TOX3: variants seen among roughly 807,000 people sequenced by gnomAD.
The protein encoded by TOX3 is TOX high mobility group box family member 3, also known as CAG trinucleotide repeat-containing gene F9 protein.
In TOX3, 22 loss-of-function variants were observed where a neutral mutation model predicts 64.3. The ratio of observed to expected loss-of-function variants is 0.34; its 90% CI spans 0.24 to 0.49. TOX3 has a LOEUF of 0.49. Ranked by LOEUF, TOX3 falls within the 20% of genes least tolerant of loss-of-function variation. The pLI is 0.99. For missense variants in TOX3, 661 were observed against 714.4 expected, an observed-to-expected ratio of 0.93 and a Z score of 0.85; for synonymous variants, 291 against 273.6, an observed-to-expected ratio of 1.06 and a Z score of -0.63.
chr16:52,446,866 G>C (rs1960178870), intron 4 of TOX3, among the ~76,000 whole-genome samples: 1 of 152,132 alleles, frequency 6.6e-6, no homozygotes, highest in Admixed American at 6.5e-5. Context: ...ACTACTTTAA[G>C]TGGAGATAAA....
At chr16:52,451,067 C>T (rs753624208) in intron 3 of TOX3, among the ~76,000 whole-genome samples, 8 of 152,108 alleles carry the variant, frequency 5.3e-5, no homozygotes, top group Admixed American at 1.3e-4. Flanking sequence ...GCACAGGGCA[C>T]GCAGAGGATG....
intron 1 of TOX3, among the ~76,000 whole-genome samples, chr16:52,518,486 G>A (rs370929552): frequency 6.6e-6 from 1 of 152,168 alleles, no homozygotes; most frequent in African/African-American, 2.4e-5. Flanking sequence ...ATTAAAAAGA[G>A]AGATTAATGC....
chr16:52,479,308 A>C (rs1961303831), intron 1 of TOX3, among the ~76,000 whole-genome samples: 1 of 152,208 alleles, frequency 6.6e-6, no homozygotes, highest in Non-Finnish European at 1.5e-5. Context: ...TCTAGGCAGG[A>C]AGGACAGAGA....
Position 52,464,126 on chromosome 16 carries a change from A to G in TOX3, c.216T>C (p.Pro72=). Residue 72 remains proline, a synonymous_variant, in exon 3 of 7, where the codon CCT becomes CCC. Transcript: ENST00000219746. The part of the protein sequence containing the change: ...EEFEIPPITP[P]PESDPALGMP... ...TGCCTAGGGCAGGGTCTGACTCTGGAGGAGGCGTGATTGGTGGAATTTCGA... is the reference window on the plus strand; with the variant it reads ...TGCCTAGGGCAGGGTCTGACTCTGGGGGAGGCGTGATTGGTGGAATTTCGA... The G allele has an allele frequency of 6.3e-7, 1 of 1,589,676 alleles. No individual in the cohort carries two copies. Among genetic ancestry groups the G allele is most frequent in the Non-Finnish European group, 8.6e-7 (1 of 1,167,464 alleles).
intron 1 of TOX3, among the ~76,000 whole-genome samples, chr16:52,502,344 C>T (rs1962025959): frequency 6.6e-6 from 1 of 152,062 alleles, no homozygotes; most frequent in African/African-American, 2.4e-5. Flanking sequence ...ATATGTTAGC[C>T]AGAAAGCCAG....
chr16:52,519,446 A>T, intron 1 of TOX3: 1 of 1,551,534 alleles, frequency 6.4e-7, no homozygotes, highest in South Asian at 1.2e-5. Context: ...TCTCTCCTCA[A>T]TGCGCCTGGC....
At chr16:52,476,311 C>T (rs1961204967) in intron 1 of TOX3, among the ~76,000 whole-genome samples, 1 of 152,172 alleles carries the variant, frequency 6.6e-6, no homozygotes, top group Admixed American at 6.5e-5. Flanking sequence ...TTGGGATTTT[C>T]ATGATCTGGA....
chr16:52,510,630 C>T (rs892790621), intron 1 of TOX3, among the ~76,000 whole-genome samples: 43 of 151,680 alleles, frequency 2.8e-4, no homozygotes, highest in South Asian at 1.3e-3. Flanking sequence ...GTGGTACATG[C>T]CTGCAGTCCC....
chr16:52,468,466 T>C (rs1425631410), intron 2 of TOX3, 43 bp downstream of exon 2: 3 of 1,568,590 alleles, frequency 1.9e-6, no homozygotes, highest in Non-Finnish European at 2.6e-6. Flanking sequence ...ATTATCTCAA[T>C]AACACAAAAA....
chr16:52,537,369 G>A (rs570358741), intron 1 of TOX3, among the ~76,000 whole-genome samples: 7 of 152,084 alleles, frequency 4.6e-5, no homozygotes, highest in Non-Finnish European at 8.8e-5. Context: ...TTTCTTGAAG[G>A]CAGACCACAT....
At position 52,461,982 on chromosome 16, in the gene TOX3, A is replaced by G. The variant is rs748516016; in HGVS notation, c.408+1952T>C. On this transcript the variant is annotated intron_variant, in intron 3 of 6. Transcript: ENST00000219746. ...ATTGTATTCATCATAATTCTGTCCT[A>G]GTACATTTTATTTTTTTCCAACATT... is the stretch of plus-strand genomic sequence containing the variant. Among the ~76,000 whole-genome samples, 7 of 152,166 alleles carry G rather than the reference A, an allele frequency of 4.6e-5. No homozygotes were observed. In the South Asian group the frequency reaches 1.2e-3, roughly 27 times the overall value.
chr16:52,500,021 T>C (rs1961959636), intron 1 of TOX3, among the ~76,000 whole-genome samples: 1 of 152,196 alleles, frequency 6.6e-6, no homozygotes, highest in Non-Finnish European at 1.5e-5. Flanking sequence ...ACAAGAGATA[T>C]GTTTATGTTG....
At chr16:52,541,473 C>T (rs563818697) in intron 1 of TOX3, among the ~76,000 whole-genome samples, 29 of 152,224 alleles carry the variant, frequency 1.9e-4, no homozygotes, top group African/African-American at 5.5e-4. Context: ...TGAAGGACAC[C>T]GAGCAGATGT....
chr16:52,450,651 G>C, intron 3 of TOX3, 105 bp from the exon 4 acceptor site: 2 of 1,405,798 alleles, frequency 1.4e-6, no homozygotes, highest in Non-Finnish European at 1.9e-6. Flanking sequence ...TTGCAATGTT[G>C]ATAGGTCTGA....
Position 52,439,451 on chromosome 16 carries a change from T to C in TOX3, c.1505A>G (p.Asn502Ser), listed in dbSNP as rs1303070989. 2.0e-6 allele frequency: 3 copies of C among 1,500,396 alleles called. No individual in the cohort carries two copies. The highest frequency in any genetic ancestry group is 2.8e-5 in the African/African-American group (2 of 71,716). 92.9% of individuals were successfully genotyped at this position (1,500,396 alleles called of 1,614,324 possible). A position where few individuals can be genotyped will look rare whatever the true frequency, so the allele number is the denominator to read the frequency against. ...CAGCTGCTGCTGCAGCTGCTGTTGA[T>C]TAATTTGCTGCTGGAGATGCTGCTG... ...QQQQHLQQQINQQQLQQQLQQ... is the reference protein window; with the variant it reads ...QQQQHLQQQISQQQLQQQLQQ... Residue 502 changes from asparagine to serine, a missense_variant, in exon 7 of 7, where the codon AAT becomes AGT. Physicochemically the swap from Asn to Ser is conservative, Grantham distance 46 (BLOSUM62 1). Coordinates refer to ENST00000219746, the MANE Select transcript of TOX3 (RefSeq NM_001080430.4).
chr16:52,472,055 T>C (rs1269128396), intron 1 of TOX3, among the ~76,000 whole-genome samples: 1 of 152,156 alleles, frequency 6.6e-6, no homozygotes, highest in East Asian at 1.9e-4. Flanking sequence ...GGTACTCAAG[T>C]CTAGTAAAAT....
chr16:52,490,741 C>CA (rs1435739810), intron 1 of TOX3, among the ~76,000 whole-genome samples: 1 of 149,260 alleles, frequency 6.7e-6, no homozygotes, highest in Non-Finnish European at 1.5e-5. Flanking sequence ...CCAATCCTCC[C>CA]ACCTCAGCCT....
intron 1 of TOX3, among the ~76,000 whole-genome samples, chr16:52,495,121 G>A (rs998251446): frequency 3.9e-5 from 6 of 152,086 alleles, no homozygotes; most frequent in Non-Finnish European, 8.8e-5. Flanking sequence ...TAATACTGGT[G>A]CTAAACTTGC....
intron 1 of TOX3, among the ~76,000 whole-genome samples, chr16:52,519,976 C>CAAA (rs61541718): frequency 1.6e-5 from 2 of 127,594 alleles, no homozygotes; most frequent in Non-Finnish European, 1.8e-5. Context: ...GTCTCAAAAA[C>CAAA]AAAAAAAAAA....
Sources: allele counts gnomAD v4.1 joint callset (sites outside exome capture counted in the v4.1 genomes callset), GRCh38; gene constraint gnomAD v4.1.1; transcripts MANE v1.5; gene names NCBI Gene and HGNC (gene_info 2026-07-23, HGNC 2026-07-21).